The following CAP2 variants were observed in gnomAD, a reference collection of about 807,000 sequenced individuals.
CAP2 encodes the protein cyclase associated actin cytoskeleton regulatory protein 2.
A neutral mutation model predicts 57.7 loss-of-function variants in CAP2; 24 were observed. The observed-to-expected ratio is 0.42, with a 90% CI of 0.30 to 0.58. The LOEUF (loss-of-function observed/expected upper bound fraction) is 0.58, where lower values mean the gene tolerates loss of function less well. CAP2 is among the 20% of genes least tolerant of loss of function. The probability of loss-of-function intolerance (pLI) is 0.22; values close to 1 mark genes in which losing one functional copy is unlikely to be tolerated. For synonymous variants in CAP2, 194 were observed against 207.2 expected, an observed-to-expected ratio of 0.94 and a Z score of 0.55; for missense variants, 501 against 590.3, an observed-to-expected ratio of 0.85 and a Z score of 1.57.
chr6:17,537,126 G>T (rs1762791481), intron 7 of CAP2, among the ~76,000 whole-genome samples: 1 of 152,044 alleles, frequency 6.6e-6, no homozygotes, highest in African/African-American at 2.4e-5. Context: ...TTATTTTCAG[G>T]GTAATTCTAC....
chr6:17,536,328 G>A (rs1215275489), intron 7 of CAP2: 14 of 456,528 alleles, frequency 3.1e-5, no homozygotes, highest in Admixed American at 1.4e-4. Context: ...GTTTGATTTC[G>A]AGTCCACTGT....
intron 4 of CAP2, among the ~76,000 whole-genome samples, chr6:17,480,424 C>G (rs1217134442): frequency 6.6e-6 from 1 of 152,072 alleles, no homozygotes; most frequent in Non-Finnish European, 1.5e-5. Context: ...TTGGAGACAC[C>G]AAGAACTGCT....
At chr6:17,435,535 G>A (rs1759849525) in intron 3 of CAP2, among the ~76,000 whole-genome samples, 2 of 81,996 alleles carry the variant, frequency 2.4e-5, no homozygotes, top group South Asian at 5.8e-4. Flanking sequence ...CTGTGGTGGG[G>A]TCGGGGGAGG....
At chr6:17,426,530 C>T (rs567474223) in intron 2 of CAP2, 60 bp from the exon 3 acceptor site, 17 of 1,263,836 alleles carry the variant, frequency 1.3e-5, no homozygotes, top group East Asian at 2.3e-5. Flanking sequence ...CCACCGTGCC[C>T]GGCTAGTCCC....
chr6:17,465,710 T>C (rs1012096436), intron 4 of CAP2, among the ~76,000 whole-genome samples: 1 of 152,210 alleles, frequency 6.6e-6, no homozygotes, highest in Non-Finnish European at 1.5e-5. Flanking sequence ...GGGACTTGCA[T>C]ACAGGGGAGA....
chr6:17,541,291 C>T (rs1157216220), intron 9 of CAP2, 143 bp downstream of exon 9: 6 of 627,022 alleles, frequency 9.6e-6, no homozygotes, highest in Non-Finnish European at 1.6e-5. Context: ...TATGGGGTAC[C>T]TGTGATATTT....
At chr6:17,399,294 C>T (rs1438911512) in intron 1 of CAP2, among the ~76,000 whole-genome samples, 1 of 152,094 alleles carries the variant, frequency 6.6e-6, no homozygotes, top group African/African-American at 2.4e-5. Context: ...AACTCCTGAC[C>T]TCAGGTAATG....
intron 7 of CAP2, among the ~76,000 whole-genome samples, chr6:17,524,476 G>A (rs972165510): frequency 1.1e-4 from 16 of 152,202 alleles, no homozygotes; most frequent in South Asian, 2.1e-4. Context: ...GTGAGCCAGC[G>A]GTGTTAGACA....
At chr6:17,496,033 G>GAGGGGGGT (rs1554127022) in intron 4 of CAP2, among the ~76,000 whole-genome samples, 8 of 126,688 alleles carry the variant, frequency 6.3e-5, no homozygotes, top group African/African-American at 2.3e-4. Context: ...TGGGTGGGGG[G>GAGGGGGGT]GGGGGGTAAG....
chr6:17,459,236 T>C (rs1247491830), intron 3 of CAP2, among the ~76,000 whole-genome samples: 1 of 152,180 alleles, frequency 6.6e-6, no homozygotes, highest in Non-Finnish European at 1.5e-5. Flanking sequence ...ATTTAGCAAA[T>C]TCCCAGAAGA....
intron 4 of CAP2, among the ~76,000 whole-genome samples, chr6:17,471,451 T>C (rs1334733785): frequency 6.6e-6 from 1 of 152,224 alleles, no homozygotes; most frequent in African/African-American, 2.4e-5. Context: ...CTGTTAATTA[T>C]ATGTGCACAG....
In CAP2 at chr6:17,548,553, A is replaced by T. The variant is rs181203586; in HGVS notation, c.1210-2911A>T. ...AGTAAATGGACAGGAAGACATCATT[A>T]TCAGTGGTCTCAGCTATTTAATGTG... is the stretch of plus-strand genomic sequence containing the variant. On this transcript the variant is annotated intron_variant, in intron 11 of 12. Coordinates refer to ENST00000229922, the MANE Select transcript of CAP2 (RefSeq NM_006366.3). Among the ~76,000 whole-genome samples, 3 of 152,330 alleles carry T rather than the reference A, an allele frequency of 2.0e-5. No homozygotes were observed. The East Asian group carries it at 5.8e-4, about 29-fold the overall frequency.
intron 4 of CAP2, among the ~76,000 whole-genome samples, chr6:17,501,217 C>A (rs894242780): frequency 6.6e-6 from 1 of 152,090 alleles, no homozygotes; most frequent in South Asian, 2.1e-4. Flanking sequence ...TGGTTTGAAT[C>A]GCCATTACTT....
At chr6:17,533,046 C>T (rs981411460) in intron 7 of CAP2, among the ~76,000 whole-genome samples, 2 of 86,722 alleles carry the variant, frequency 2.3e-5, no homozygotes, top group Non-Finnish European at 4.3e-5. Context: ...GCCTGGGCAA[C>T]AAGAGCAAAA....
At chr6:17,484,706 G>A (rs1004811168) in intron 4 of CAP2, among the ~76,000 whole-genome samples, 3 of 152,182 alleles carry the variant, frequency 2.0e-5, no homozygotes, top group African/African-American at 4.8e-5. Flanking sequence ...TACAGAGGTG[G>A]CTGACCAGGA....
At chr6:17,516,360 CTT>C (rs1762274623) in intron 7 of CAP2, among the ~76,000 whole-genome samples, 2 of 152,182 alleles carry the variant, frequency 1.3e-5, no homozygotes, top group African/African-American at 4.8e-5. Flanking sequence ...TGAGGGGACT[CTT>C]AGAATGTTTC....
At chr6:17,514,220 A>C (rs747324070) in intron 7 of CAP2, among the ~76,000 whole-genome samples, 24 of 152,012 alleles carry the variant, frequency 1.6e-4, no homozygotes, top group Non-Finnish European at 3.2e-4. Context: ...AAAATTAGCC[A>C]GGCATGGTAA....
chr6:17,399,808 G>A (rs867013607), intron 1 of CAP2, among the ~76,000 whole-genome samples: 8 of 152,148 alleles, frequency 5.3e-5, no homozygotes, highest in African/African-American at 1.9e-4. Context: ...ATGGGAAGGG[G>A]TATTCTGAGA....
chr6:17,455,203 C>G (rs939254139), intron 3 of CAP2, among the ~76,000 whole-genome samples: 8 of 151,860 alleles, frequency 5.3e-5, no homozygotes, highest in African/African-American at 1.9e-4. Flanking sequence ...TATAAGGAGA[C>G]TCAAGCATGA....
Sources: allele counts gnomAD v4.1 joint callset (sites outside exome capture counted in the v4.1 genomes callset), GRCh38; gene constraint gnomAD v4.1.1; transcripts MANE v1.5; gene names NCBI Gene and HGNC (gene_info 2026-07-23, HGNC 2026-07-21).